RMDN2: variants seen among roughly 807,000 people sequenced by gnomAD.
RMDN2 encodes regulator of microtubule dynamics 2.
Under a neutral mutation model 52.8 loss-of-function variants are expected in RMDN2, and 61 were observed. The observed-to-expected ratio is 1.16, with a 90% confidence interval of 0.94 to 1.43. The LOEUF (loss-of-function observed/expected upper bound fraction) is 1.43, where lower values mean the gene tolerates loss of function less well. RMDN2 is among the 40% of genes most tolerant of loss of function. The pLI, the probability that RMDN2 is intolerant of heterozygous loss-of-function variation, is 0.00. For synonymous variants in RMDN2, 180 were observed against 153.1 expected (o/e 1.18, Z -1.30); for missense variants, 592 against 475.3 (o/e 1.25, Z -2.28).
chr2:38,050,325 C>T (rs905488403), intron 10 of RMDN2, among the ~76,000 whole-genome samples: 1 of 151,300 alleles, frequency 6.6e-6, no homozygotes, highest in Non-Finnish European at 1.5e-5. Context: ...CCAGTGTACA[C>T]ACATGCCTAA....
intron 2 of RMDN2, among the ~76,000 whole-genome samples, chr2:37,938,387 T>C (rs1667493578): frequency 6.6e-6 from 1 of 152,228 alleles, no homozygotes; most frequent in Non-Finnish European, 1.5e-5. Flanking sequence ...CAGGTTTTGG[T>C]ATCAGGATGA....
In RMDN2 at chr2:37,976,093, A is replaced by C. The variant is rs140277883; in HGVS notation, c.730+779A>C. ...CTCGCAGACTTTAATGTTTTTTCCA[A>C]ATGTATCTTGATGAAACAAGATTAA... On this transcript the variant is annotated intron_variant, in intron 4 of 10. Transcript: ENST00000354545. Among the ~76,000 whole-genome samples the C allele has an allele frequency of 1.7e-3, 263 of 152,324 alleles. 3 individuals are homozygous for C. Among genetic ancestry groups the C allele is most frequent in the Non-Finnish European group, 2.4e-4 (16 of 68,020 alleles).
chr2:37,952,519 A>G (rs1668963496), intron 2 of RMDN2: 2 of 431,694 alleles, frequency 4.6e-6, no homozygotes, highest in Non-Finnish European at 8.2e-6. Context: ...AAATAACATC[A>G]AGCCTTGATG....
intron 10 of RMDN2, chr2:38,039,456 C>T (rs1252750165): frequency 6.6e-6 from 1 of 152,186 alleles, no homozygotes; most frequent in African/African-American, 2.4e-5. Flanking sequence ...GGAGCACAGT[C>T]GCTGCTATCT....
chr2:37,943,096 A>G (rs973542139), intron 2 of RMDN2, among the ~76,000 whole-genome samples: 7 of 152,210 alleles, frequency 4.6e-5, no homozygotes, highest in African/African-American at 1.4e-4. Context: ...TGAGAGAAGC[A>G]TTTCTCCCTG....
intron 10 of RMDN2, among the ~76,000 whole-genome samples, chr2:38,055,246 G>T (rs75492719): frequency 0.029 from 4,426 of 151,682 alleles, 221 homozygotes; most frequent in African/African-American, 0.1. Flanking sequence ...CAAAGTTGCC[G>T]TTCTAAAGCA....
chr2:37,992,458 TA>T (rs1674936737), intron 7 of RMDN2, among the ~76,000 whole-genome samples: 1 of 152,244 alleles, frequency 6.6e-6, no homozygotes, highest in Non-Finnish European at 1.5e-5. Flanking sequence ...TTCTCTGAAA[TA>T]TTGCACTGTT....
intron 8 of RMDN2, among the ~76,000 whole-genome samples, chr2:38,002,331 A>G (rs1261127268): frequency 1.3e-5 from 2 of 152,232 alleles, no homozygotes; most frequent in African/African-American, 4.8e-5. Flanking sequence ...GGTTATTAGT[A>G]GTAATAATGA....
At chr2:38,020,927 C>G (rs1351615879), downstream of RMDN2, among the ~76,000 whole-genome samples, 1 of 152,218 alleles carries the variant, frequency 6.6e-6, no homozygotes, top group African/African-American at 2.4e-5. Context: ...GCAGCTCCAC[C>G]TGTGGCCGGG....
intron 8 of RMDN2, chr2:38,002,742 G>A (rs1676489724): frequency 6.6e-6 from 1 of 152,210 alleles, no homozygotes; most frequent in Non-Finnish European, 1.5e-5. Context: ...CTGAAGTTGA[G>A]AATAAAACTG....
intron 10 of RMDN2, among the ~76,000 whole-genome samples, chr2:38,042,055 C>T (rs115393762): frequency 0.018 from 2,795 of 152,126 alleles, 89 homozygotes; most frequent in African/African-American, 0.063. Context: ...GGTACAATAA[C>T]CAGAGAAACC....
intron 10 of RMDN2, among the ~76,000 whole-genome samples, chr2:38,044,661 GT>G (rs1681163790): frequency 6.6e-6 from 1 of 151,576 alleles, no homozygotes; most frequent in African/African-American, 2.4e-5. Flanking sequence ...TCTTTACTTG[GT>G]TGTGTTCACT....
intron 10 of RMDN2, among the ~76,000 whole-genome samples, chr2:38,058,750 T>G (rs1681934768): frequency 1.3e-5 from 2 of 152,216 alleles, no homozygotes. Context: ...CTAAGAAGCT[T>G]TCTTTTATTT....
intron 2 of RMDN2, among the ~76,000 whole-genome samples, chr2:37,955,929 A>G (rs1669398256): frequency 6.6e-6 from 1 of 151,308 alleles, no homozygotes; most frequent in Non-Finnish European, 1.5e-5. Context: ...AATCCTTCTA[A>G]TGGGTTGTTG....
chr2:37,957,551 G>T (rs989970993), intron 2 of RMDN2, among the ~76,000 whole-genome samples: 4 of 152,126 alleles, frequency 2.6e-5, no homozygotes, highest in African/African-American at 9.7e-5. Flanking sequence ...TTAGCCCTTT[G>T]TCAGATGGAT....
chr2:38,061,264 AG>A (rs1002389336), intron 10 of RMDN2, among the ~76,000 whole-genome samples: 5 of 152,032 alleles, frequency 3.3e-5, no homozygotes, highest in African/African-American at 9.7e-5. Context: ...GATTTGCTTC[AG>A]TGCTCCAAGG....
chr2:37,969,915 T>C (rs897474598), intron 2 of RMDN2, among the ~76,000 whole-genome samples: 3 of 152,056 alleles, frequency 2.0e-5, no homozygotes, highest in Admixed American at 2.0e-4. Context: ...TTTCTTTCCT[T>C]CCTTTCCCTT....
chr2:37,967,702 C>T (rs987977994), intron 2 of RMDN2, among the ~76,000 whole-genome samples: 4 of 152,184 alleles, frequency 2.6e-5, no homozygotes, highest in South Asian at 2.1e-4. Flanking sequence ...TTCCTCTCAT[C>T]GAACAAGGGC....
intron 10 of RMDN2, among the ~76,000 whole-genome samples, chr2:38,025,605 T>G (rs1679723992): frequency 6.6e-6 from 1 of 152,034 alleles, no homozygotes; most frequent in Non-Finnish European, 1.5e-5. Context: ...TACCTGTAGG[T>G]TTTTTTGGAG....
Sources: gnomAD v4.1 joint callset for allele counts (sites outside exome capture counted in the v4.1 genomes callset) on GRCh38, gnomAD v4.1.1 for gene constraint, MANE v1.5 for transcripts, NCBI Gene and HGNC (gene_info 2026-07-23, HGNC 2026-07-21) for gene names.